UNKL: variants seen among roughly 807,000 people sequenced by gnomAD.
The protein encoded by UNKL is unk like zinc finger.
UNKL carries 60 observed loss-of-function variants against 78.0 expected under a neutral mutation model. The observed-to-expected ratio is 0.77, with a 90% CI of 0.63 to 0.95. The LOEUF is 0.95. Among genes scored for constraint, UNKL ranks in the 40% least tolerant of loss-of-function variants. The pLI is 0.00. For synonymous variants in UNKL, 608 were observed against 474.8 expected (o/e 1.28, Z -3.65); for missense variants, 1,159 against 1,045.7 (o/e 1.11, Z -1.49).
intron 10 of UNKL, among the ~76,000 whole-genome samples, chr16:1,380,673 A>AATTTT (rs2036571378): frequency 1.0e-5 from 1 of 99,398 alleles, no homozygotes; most frequent in African/African-American, 4.0e-5. Context: ...CTGGTTCAGG[A>AATTTT]TTTTTTTTTT....
chr16:1,410,615 TA>T (rs1189499553), intron 2 of UNKL, among the ~76,000 whole-genome samples: 1 of 152,116 alleles, frequency 6.6e-6, no homozygotes, highest in African/African-American at 2.4e-5. Flanking sequence ...CAGTGCCCTG[TA>T]TTCAACACTG....
rs757374554 is a variant in UNKL, at chr16:1,368,608, C to CAAAAA, written c.1586-755_1586-751dup. 1.5e-3 allele frequency among the ~76,000 whole-genome samples: 64 copies of CAAAAA among 42,140 alleles called. 8 individuals are homozygous for CAAAAA. The highest frequency in any genetic ancestry group is 5.1e-3 in the African/African-American group (56 of 10,898). The allele number at this position is 42,140 out of a possible 152,430, so 27.6% of individuals were successfully genotyped here. A position where few individuals can be genotyped will look rare whatever the true frequency, so the allele number is the denominator to read the frequency against. ...TGGGCGACAGAATGAGACTCCGTCTCAAAAAAAAAAAAAAAAAAAAAAAAA... is the reference window on the plus strand; with the variant it reads ...TGGGCGACAGAATGAGACTCCGTCTCAAAAAAAAAAAAAAAAAAAAAAAAAAAAAA... On this transcript the variant is annotated intron_variant, in intron 12 of 14. Transcript: ENST00000389221.
chr16:1,363,959 AAG>A lies in UNKL; in HGVS notation c.*2279_*2280del, dbSNP rs2141874513. 1 of 152,344 alleles carries A rather than the reference AAG, an allele frequency of 6.6e-6. No individual in the cohort carries two copies. The highest frequency in any genetic ancestry group is 2.4e-5 in the African/African-American group (1 of 41,568). 9.4% of individuals were successfully genotyped at this position (152,344 alleles called of 1,614,324 possible). On this transcript the variant is annotated 3_prime_UTR_variant, in exon 15 of 15. Coordinates refer to ENST00000389221, the MANE Select transcript of UNKL (RefSeq NM_001372107.1). ...GGGCGGGCGCCACCTCCTTCCCAGA[AAG>A]AGCAGAGCAGCTGGCAGACTAGAGC...
rs112378427 is a variant in UNKL at position 1,364,994 on chromosome 16, CTT to C, written c.*1244_*1245del. On this transcript the variant is annotated 3_prime_UTR_variant, in exon 15 of 15. Transcript: ENST00000389221. ...ACAGCTCTGAGTAATCAGAAAACAG[CTT>C]TTTTTTTTTTTTTTTGAGCCAGAGT... 2.7e-4 allele frequency: 38 copies of C among 140,374 alleles called. No homozygotes were observed. The highest frequency in any genetic ancestry group is 2.3e-4 in the Non-Finnish European group (15 of 64,376). 8.7% of individuals were successfully genotyped at this position (140,374 alleles called of 1,614,324 possible).
At chr16:1,391,665 GT>G (rs1385680842) in intron 8 of UNKL, among the ~76,000 whole-genome samples, 2 of 151,676 alleles carry the variant, frequency 1.3e-5, no homozygotes, top group African/African-American at 4.8e-5. Flanking sequence ...CTCCCTGTCG[GT>G]TCTCCTGAGT....
chr16:1,369,541 G>A (rs967188375), intron 12 of UNKL, among the ~76,000 whole-genome samples: 1 of 151,914 alleles, frequency 6.6e-6, no homozygotes, highest in African/African-American at 2.4e-5. Context: ...GGCTAATTTT[G>A]TATTTTTAGT....
At chr16:1,366,918 A>G (rs1440185838) in intron 14 of UNKL, among the ~76,000 whole-genome samples, 174 bp downstream of exon 14, 1 of 28,560 alleles carries the variant, frequency 3.5e-5, no homozygotes, top group Admixed American at 4.5e-4. Context: ...GAGACAGGCA[A>G]GGAGGCCACA....
intron 10 of UNKL, chr16:1,383,739 G>A (rs1052419953): frequency 4.9e-6 from 2 of 406,672 alleles, no homozygotes; most frequent in African/African-American, 2.0e-5. Context: ...CCGCCGGGCC[G>A]CCGCCCACAT....
At chr16:1,372,266 AAAAAAC>A (rs1044112085) in intron 10 of UNKL, among the ~76,000 whole-genome samples, 18 of 152,062 alleles carry the variant, frequency 1.2e-4, no homozygotes, top group South Asian at 4.1e-4. Flanking sequence ...TCCATCTCAA[AAAAAAC>A]AAAAACAAAA....
At chr16:1,414,164 C>T (rs1220578133) in intron 1 of UNKL, 109 bp from the exon 2 acceptor site, 7 of 1,122,486 alleles carry the variant, frequency 6.2e-6, no homozygotes, top group East Asian at 5.4e-5. Flanking sequence ...AGGGTCGACC[C>T]GTACTCACAT....
intron 6 of UNKL, 192 bp downstream of exon 6, chr16:1,396,986 G>T (rs910514064): frequency 2.9e-5 from 17 of 596,242 alleles, no homozygotes; most frequent in African/African-American, 2.6e-4. Flanking sequence ...GCTGAGGGCA[G>T]CCCGAAGGCC....
chr16:1,375,641 C>G (rs549589237), intron 10 of UNKL, among the ~76,000 whole-genome samples: 3 of 152,296 alleles, frequency 2.0e-5, no homozygotes, highest in African/African-American at 4.8e-5. Flanking sequence ...AAGGTCTTAT[C>G]CAGAAACTAG....
chr16:1,399,387 G>T lies in UNKL; in HGVS notation c.721C>A (p.Arg241=). The T allele has an allele frequency of 6.3e-7, 1 of 1,598,530 alleles. No individual in the cohort carries two copies. The change falls in exon 5 of 15, where the codon CGG becomes AGG. Residue 241 remains arginine (R), a synonymous_variant. Coordinates refer to ENST00000389221, the MANE Select transcript of UNKL (RefSeq NM_001372107.1). This position sits in a 1 kb window ranked among gnomAD's most constrained non-coding sequence, Gnocchi z 5.8. ...CCGCAGGCTCACCTGTACTGGAACC[G>T]CCGGGGGTTGCGCCGCCTGTCCCGG... ...NSRDRRRNPR[R]FQYRSTPCPS...
At chr16:1,371,793 G>A (rs1345984776) in intron 10 of UNKL, among the ~76,000 whole-genome samples, 182 bp from the exon 11 acceptor site, 6 of 152,198 alleles carry the variant, frequency 3.9e-5, no homozygotes, top group African/African-American at 1.4e-4. Flanking sequence ...CCCACAGGCA[G>A]TGTGAGGCTT....
At position 1,397,180 on chromosome 16, in the gene UNKL, C is replaced by T. The variant is rs1442409606; in HGVS notation, c.850G>A (p.Glu284Lys). Residue 284 changes from glutamate to lysine, a missense_variant and splice_region_variant, in exon 6 of 15, where the codon GAG (glutamate) becomes AAG (lysine). Glu to Lys is a moderately conservative substitution (Grantham distance 56). Coordinates refer to ENST00000389221, the MANE Select transcript of UNKL (RefSeq NM_001372107.1). The stretch of plus-strand genomic sequence containing the variant: ...CCTGGGGGGTTGGAGGGACGTACCT[C>T]GGGATGGAACTGCTGCTCCGTGCGG... ...HSRTEQQFHP[E>K]IYKSTKCNDM... The T allele has an allele frequency of 1.9e-6, 3 of 1,547,442 alleles. No homozygotes were observed. Among genetic ancestry groups the T allele is most frequent in the Admixed American group, 2.0e-5 (1 of 51,000 alleles).
At chr16:1,390,125 T>G (rs2036986553) in intron 9 of UNKL, among the ~76,000 whole-genome samples, 1 of 152,198 alleles carries the variant, frequency 6.6e-6, no homozygotes. Context: ...TAGCTGGGAC[T>G]ACAGGCACGT....
chr16:1,400,732 C>T (rs2037489107), intron 4 of UNKL, among the ~76,000 whole-genome samples: 1 of 152,028 alleles, frequency 6.6e-6, no homozygotes, highest in South Asian at 2.1e-4. Context: ...CTGTCACCCA[C>T]ACTGGAGTGC....
intron 10 of UNKL, among the ~76,000 whole-genome samples, chr16:1,372,451 T>A (rs1265861590): frequency 2.6e-5 from 4 of 151,826 alleles, no homozygotes; most frequent in African/African-American, 9.7e-5. Context: ...TCCCCACACA[T>A]CCCTGCAGGC....
intron 9 of UNKL, among the ~76,000 whole-genome samples, chr16:1,388,917 A>G (rs1453685402): frequency 6.6e-6 from 1 of 152,154 alleles, no homozygotes; most frequent in African/African-American, 2.4e-5. Flanking sequence ...ATAATATAAA[A>G]TTTGCTACAG....
Sources: gnomAD v4.1 joint callset for allele counts (sites outside exome capture counted in the v4.1 genomes callset) on GRCh38, gnomAD v4.1.1 for gene constraint, Gnocchi (gnomAD v3.1) non-coding constraint, MANE v1.5 for transcripts, NCBI Gene and HGNC (gene_info 2026-07-23, HGNC 2026-07-21) for gene names.